Variants in OCIAD1 observed in about 807,000 individuals in gnomAD.
OCIAD1 encodes the protein OCIA domain containing 1, also known as OCIA domain-containing protein 1.
Under a neutral mutation model 38.9 loss-of-function variants are expected in OCIAD1, and 29 were observed. That is an observed-to-expected ratio of 0.74 (90% CI 0.55 to 1.02). The LOEUF is 1.02. Ranked by LOEUF, OCIAD1 falls within the 50% of genes least tolerant of loss-of-function variation. The pLI is 0.00. For synonymous variants in OCIAD1, 110 were observed against 92.0 expected, an observed-to-expected ratio of 1.20 and a Z score of -1.12; for missense variants, 288 against 289.6, an observed-to-expected ratio of 0.99 and a Z score of 0.04.
At chr4:48,831,652 G>A in intron 1 of OCIAD1, 1 of 866,970 alleles carries the variant, frequency 1.2e-6, no homozygotes, top group African/African-American at 1.7e-5. Context: ...TTTCTAGGAA[G>A]GATGCCGTTA....
intron 5 of OCIAD1, 76 bp from the exon 6 acceptor site, chr4:48,849,871 C>A: frequency 3.0e-6 from 4 of 1,330,978 alleles, no homozygotes; most frequent in Non-Finnish European, 4.2e-6. Context: ...CACTTTAAAA[C>A]AAATTTTTCT....
At chr4:48,832,385 G>A (rs1777587684) in intron 1 of OCIAD1, among the ~76,000 whole-genome samples, 1 of 152,202 alleles carries the variant, frequency 6.6e-6, no homozygotes, top group Admixed American at 6.5e-5. Flanking sequence ...AAACGCATAT[G>A]CTTTTTCAAT....
At chr4:48,843,634 G>T (rs1044425837) in intron 4 of OCIAD1, among the ~76,000 whole-genome samples, 1 of 152,036 alleles carries the variant, frequency 6.6e-6, no homozygotes, top group Non-Finnish European at 1.5e-5. Context: ...ACATAGAAGC[G>T]AGTCAAGATG....
chr4:48,836,090 A>T (rs1474362396), intron 3 of OCIAD1, among the ~76,000 whole-genome samples: 2 of 152,066 alleles, frequency 1.3e-5, no homozygotes, highest in Non-Finnish European at 2.9e-5. Flanking sequence ...GGTTTTTTTT[A>T]AGGAAGGTTA....
Position 48,851,818 on chromosome 4 carries a change from A to G in OCIAD1, c.390A>G (p.Gln130=), listed in dbSNP as rs1779503279. The G allele has an allele frequency of 6.2e-7, 1 of 1,606,636 alleles. No individual in the cohort carries two copies. The highest frequency in any genetic ancestry group is 1.7e-4 in the Middle Eastern group (1 of 6,038). ...RRSSPPGHYY[Q]KSKYDSSVSG... ...TTTTCATTTACAGGCACTATTATCAAAAGTCAAAATATGACTCAAGTGTGA... is the reference window on the plus strand; with the variant it reads ...TTTTCATTTACAGGCACTATTATCAGAAGTCAAAATATGACTCAAGTGTGA... The change falls in exon 7 of 9, where the codon CAA becomes CAG. Residue 130 remains glutamine, a synonymous_variant. Coordinates refer to ENST00000264312, the MANE Select transcript of OCIAD1 (RefSeq NM_017830.4).
chr4:48,825,340 A>C (rs773025043), intron 1 of OCIAD1, among the ~76,000 whole-genome samples: 1 of 152,142 alleles, frequency 6.6e-6, no homozygotes, highest in Non-Finnish European at 1.5e-5. Context: ...TATCTAACAC[A>C]TGAATCCAGG....
chr4:48,839,222 G>C (rs1304229022), intron 3 of OCIAD1, among the ~76,000 whole-genome samples: 1 of 152,108 alleles, frequency 6.6e-6, no homozygotes, highest in East Asian at 1.9e-4. Context: ...GATCACTTGA[G>C]GTCAAGAGTT....
At chr4:48,815,894 C>G (rs1777138048) in intron 1 of OCIAD1, among the ~76,000 whole-genome samples, 1 of 152,164 alleles carries the variant, frequency 6.6e-6, no homozygotes, top group Non-Finnish European at 1.5e-5. Flanking sequence ...CATAGGTAAT[C>G]CCGCACATAC....
Position 48,857,241 on chromosome 4 carries a change from T to C in OCIAD1, c.576T>C (p.Pro192=). Residue 192 remains proline (P), a synonymous_variant, in exon 8 of 9, where the codon CCT becomes CCC. Coordinates refer to ENST00000264312, the MANE Select transcript of OCIAD1 (RefSeq NM_017830.4). The part of the protein sequence containing the change: ...QGPDPNLEES[P]KRKNITYEEL... ...CTGATCCCAACCTTGAAGAAAGTCC[T>C]AAAAGAAAAAATATTACATATGAGG... The C allele has an allele frequency of 3.2e-6, 5 of 1,564,444 alleles. No homozygotes were observed. Among genetic ancestry groups the C allele is most frequent in the Non-Finnish European group, 4.3e-6 (5 of 1,158,194 alleles).
At position 48,848,413 on chromosome 4, in the gene OCIAD1, C is replaced by A. The variant is rs1302681382; in HGVS notation, c.208C>A (p.His70Asn). 1.3e-6 allele frequency: 2 copies of A among 1,504,054 alleles called. No homozygotes were observed. Among genetic ancestry groups the A allele is most frequent in the African/African-American group, 1.4e-5 (1 of 72,562 alleles). The allele number at this position is 1,504,054 out of a possible 1,614,324, so 93.2% of individuals were successfully genotyped here. A position where few individuals can be genotyped will look rare whatever the true frequency, so the allele number is the denominator to read the frequency against. ...GLISKGILSS[H>N]PKYGSIPKLI... is the part of the protein sequence containing the mutation. ...CTTTTCTTTAGGAATACTTTCAAGT[C>A]ATCCCAAATATGGTTCCATCCCTAA... The change falls in exon 5 of 9, where the codon CAT (histidine) becomes AAT (asparagine). Residue 70 changes from histidine (H) to asparagine (N), a missense_variant. Physicochemically the swap from His to Asn is moderately conservative, Grantham distance 68. Transcript: ENST00000264312.
At chr4:48,827,152 TTGAATAATCGC>T (rs1406540750), upstream of OCIAD1, among the ~76,000 whole-genome samples, 51 of 152,348 alleles carry the variant, frequency 3.3e-4, no homozygotes, top group Non-Finnish European at 1.8e-4. Flanking sequence ...TAATGATTGC[TTGAATAATCGC>T]TGAATAATTA....
chr4:48,821,113 G>T (rs1209753210), intron 1 of OCIAD1, among the ~76,000 whole-genome samples: 1 of 152,118 alleles, frequency 6.6e-6, no homozygotes, highest in Non-Finnish European at 1.5e-5. Context: ...AAAATTTCTG[G>T]CCAATATCCC....
intron 8 of OCIAD1, among the ~76,000 whole-genome samples, chr4:48,858,316 C>T (rs1198632588): frequency 6.6e-6 from 1 of 152,206 alleles, no homozygotes; most frequent in African/African-American, 2.4e-5. Flanking sequence ...CCTAATGATA[C>T]ATCTATCGCA....
chr4:48,837,850 G>A (rs1778148568), intron 3 of OCIAD1, among the ~76,000 whole-genome samples: 1 of 152,096 alleles, frequency 6.6e-6, no homozygotes, highest in African/African-American at 2.4e-5. Flanking sequence ...GCTGCTGCAG[G>A]TGTTTAACAA....
At chr4:48,845,725 C>T (rs1281507740) in intron 4 of OCIAD1, among the ~76,000 whole-genome samples, 1 of 152,198 alleles carries the variant, frequency 6.6e-6, no homozygotes, top group Non-Finnish European at 1.5e-5. Context: ...CCTCCTTTCC[C>T]TTCATGACTG....
At chr4:48,830,437 T>C (rs1365780010), upstream of OCIAD1, 1 of 152,204 alleles carries the variant, frequency 6.6e-6, no homozygotes, top group African/African-American at 2.4e-5. Flanking sequence ...CAGGAAGGAA[T>C]GTATGAAAAT....
intron 8 of OCIAD1, 131 bp from the exon 9 acceptor site, chr4:48,860,594 A>T: frequency 2.7e-6 from 2 of 734,672 alleles, no homozygotes; most frequent in African/African-American, 1.8e-5. Flanking sequence ...TTTTGTAATT[A>T]TAATTTGACT....
chr4:48,827,255 T>C (rs1375194829), upstream of OCIAD1, among the ~76,000 whole-genome samples: 4 of 152,252 alleles, frequency 2.6e-5, no homozygotes, highest in Admixed American at 2.0e-4. Context: ...CTACATTGAT[T>C]TCATTTATAT....
chr4:48,851,749 C>A, intron 6 of OCIAD1, 57 bp from the exon 7 acceptor site: 1 of 965,502 alleles, frequency 1.0e-6, no homozygotes, highest in Non-Finnish European at 1.6e-6. Context: ...TTTAACACTT[C>A]TTTAAGATAT....
Sources: allele counts gnomAD v4.1 joint callset (sites outside exome capture counted in the v4.1 genomes callset), GRCh38; gene constraint gnomAD v4.1.1; transcripts MANE v1.5; gene names NCBI Gene and HGNC (gene_info 2026-07-23, HGNC 2026-07-21).